The following ZNF680 variants were observed in gnomAD, a reference collection of about 807,000 sequenced individuals.
ZNF680 encodes the protein hypothetical protein FLJ90430.
Under a neutral mutation model 12.1 loss-of-function variants are expected in ZNF680, and 6 were observed. That is an observed-to-expected ratio of 0.49 (90% CI 0.27 to 0.98). The LOEUF (loss-of-function observed/expected upper bound fraction) is 0.98. Among genes scored for constraint, ZNF680 ranks in the 50% least tolerant of loss-of-function variants. The pLI, the probability that ZNF680 is intolerant of heterozygous loss-of-function variation, is 0.12. For missense variants in ZNF680, 561 were observed against 616.3 expected (o/e 0.91, Z 0.95); for synonymous variants, 170 against 199.3 (o/e 0.85, Z 1.24).
chr7:64,551,149 T>C (rs1400049475), intron 1 of ZNF680, among the ~76,000 whole-genome samples: 1 of 152,186 alleles, frequency 6.6e-6, no homozygotes, highest in Non-Finnish European at 1.5e-5. Flanking sequence ...AGGCCATCCG[T>C]GTATGTTAAT....
the ZNF680 span, among the ~76,000 whole-genome samples, chr7:64,505,722 G>A: frequency 6.6e-6 from 1 of 151,814 alleles, no homozygotes; most frequent in African/African-American, 2.4e-5. Context: ...GTTTATCTTA[G>A]GCTATCTCAG....
the ZNF680 span, chr7:64,501,499 A>G: frequency 1.5e-5 from 12 of 814,376 alleles, no homozygotes; most frequent in Admixed American, 1.3e-4. Flanking sequence ...CAAGCAGTAG[A>G]GATGAAGAAC....
At chr7:64,541,725 C>A (rs967674458) in intron 3 of ZNF680, among the ~76,000 whole-genome samples, 1 of 152,164 alleles carries the variant, frequency 6.6e-6, no homozygotes, top group African/African-American at 2.4e-5. Context: ...GAATTCTGAA[C>A]TTACTCTCTA....
the ZNF680 span, chr7:64,501,014 C>A: frequency 1.4e-6 from 1 of 693,072 alleles, no homozygotes; most frequent in Non-Finnish European, 2.7e-6. Context: ...GAGAAATGCC[C>A]CGGCTGCTGT....
At chr7:64,552,147 A>T (rs1787113371) in intron 1 of ZNF680, 1 of 152,112 alleles carries the variant, frequency 6.6e-6, no homozygotes, top group African/African-American at 2.4e-5. Flanking sequence ...TCCGCCTCCC[A>T]GGTTAAAGCA....
intron 3 of ZNF680, among the ~76,000 whole-genome samples, chr7:64,536,657 T>C (rs78072150): frequency 0.021 from 3,221 of 152,270 alleles, 70 homozygotes; most frequent in Middle Eastern, 0.054. Context: ...CACCATAGCA[T>C]AGAACAACTA....
the ZNF680 span, chr7:64,501,659 C>T: frequency 3.2e-5 from 32 of 987,008 alleles, no homozygotes; most frequent in African/African-American, 1.9e-4. Flanking sequence ...CTGGAGTTGA[C>T]CAAGGATGAA....
At chr7:64,510,681 C>T in the ZNF680 span, among the ~76,000 whole-genome samples, 13 of 149,242 alleles carry the variant, frequency 8.7e-5, no homozygotes, top group African/African-American at 2.0e-4. Flanking sequence ...GAGGCCAAGG[C>T]GGGCGGATCA....
chr7:64,509,819 C>T, the ZNF680 span, among the ~76,000 whole-genome samples: 3 of 151,968 alleles, frequency 2.0e-5, no homozygotes, highest in African/African-American at 7.3e-5. Context: ...TCATGGTAGC[C>T]TGAACCCAAA....
intron 1 of ZNF680, among the ~76,000 whole-genome samples, chr7:64,560,420 G>A (rs1697754750): frequency 6.6e-6 from 1 of 152,124 alleles, no homozygotes; most frequent in African/African-American, 2.4e-5. Flanking sequence ...GGCCGGAAAT[G>A]TATTCATTTT....
intron 3 of ZNF680, chr7:64,526,123 CATG>C (rs1194180580): frequency 1.1e-6 from 1 of 920,106 alleles, no homozygotes; most frequent in Non-Finnish European, 1.3e-6. Context: ...AAAATTAAAA[CATG>C]AAATGTAAAA....
chr7:64,551,062 A>G (rs985641194), intron 1 of ZNF680, among the ~76,000 whole-genome samples: 1 of 152,346 alleles, frequency 6.6e-6, no homozygotes, highest in South Asian at 2.1e-4. Context: ...GATGGTCACC[A>G]TAATTAGCCC....
At chr7:64,528,811 C>G (rs1379881632) in intron 3 of ZNF680, among the ~76,000 whole-genome samples, 2 of 152,138 alleles carry the variant, frequency 1.3e-5, no homozygotes, top group Non-Finnish European at 2.9e-5. Flanking sequence ...TTCCTCTCCA[C>G]CCTACCACAG....
chr7:64,513,537 C>G, the ZNF680 span, among the ~76,000 whole-genome samples: 1 of 152,076 alleles, frequency 6.6e-6, no homozygotes, highest in Non-Finnish European at 1.5e-5. Context: ...ACTCTCACCT[C>G]ATGGTCTAAT....
At chr7:64,509,176 T>A in the ZNF680 span, among the ~76,000 whole-genome samples, 2 of 152,196 alleles carry the variant, frequency 1.3e-5, no homozygotes, top group Non-Finnish European at 2.9e-5. Context: ...TAAAAAGAAT[T>A]TGGAGTCAGA....
At chr7:64,544,760 T>C (rs1786694192) in intron 1 of ZNF680, among the ~76,000 whole-genome samples, 5 of 152,188 alleles carry the variant, frequency 3.3e-5, no homozygotes, top group African/African-American at 7.2e-5. Context: ...ATGAGTTGTG[T>C]ATATTTTTCA....
intron 1 of ZNF680, among the ~76,000 whole-genome samples, chr7:64,559,693 G>A (rs1390060075): frequency 6.6e-6 from 1 of 152,036 alleles, no homozygotes; most frequent in African/African-American, 2.4e-5. Flanking sequence ...TGTTGTCCAG[G>A]CTGGTCTCAA....
the ZNF680 span, among the ~76,000 whole-genome samples, chr7:64,510,923 A>AT: frequency 1.8e-3 from 123 of 69,628 alleles, 23 homozygotes; most frequent in Non-Finnish European, 2.6e-3. Flanking sequence ...AAAAAAAAAT[A>AT]AAAAATAAAA....
downstream of ZNF680, among the ~76,000 whole-genome samples, chr7:64,515,843 A>G (rs1791342628): frequency 6.6e-6 from 1 of 152,184 alleles, no homozygotes; most frequent in African/African-American, 2.4e-5. Flanking sequence ...TAAACTATAC[A>G]GCGGCTCCTA....
Sources: gnomAD v4.1 joint callset for allele counts (sites outside exome capture counted in the v4.1 genomes callset) on GRCh38, gnomAD v4.1.1 for gene constraint, MANE v1.5 for transcripts, NCBI Gene and HGNC (gene_info 2026-07-23, HGNC 2026-07-21) for gene names.